Variants in XKR4 observed in about 807,000 individuals in gnomAD.
XKR4 encodes XK-related protein 4.
XKR4 carries 12 observed loss-of-function variants against 53.9 expected under a neutral mutation model. The ratio of observed to expected loss-of-function variants is 0.22; its 90% confidence interval spans 0.14 to 0.36. The LOEUF is 0.36. Among genes scored for constraint, XKR4 ranks in the 10% least tolerant of loss-of-function variants. The pLI is 1.00. For synonymous variants in XKR4, 354 were observed against 362.4 expected (o/e 0.98, Z 0.26); for missense variants, 799 against 859.5 (o/e 0.93, Z 0.88).
At chr8:55,329,201 G>T (rs1482844696) in intron 1 of XKR4, among the ~76,000 whole-genome samples, 1 of 152,044 alleles carries the variant, frequency 6.6e-6, no homozygotes, top group Admixed American at 6.6e-5. Context: ...TTTAAATTTT[G>T]TGAAGAAAAA....
At chr8:55,199,992 G>T (rs1175604411) in intron 1 of XKR4, among the ~76,000 whole-genome samples, 1 of 152,150 alleles carries the variant, frequency 6.6e-6, no homozygotes, top group African/African-American at 2.4e-5. Context: ...TATAACCTCT[G>T]ATTCCAAAGC....
intron 2 of XKR4, among the ~76,000 whole-genome samples, chr8:55,400,003 C>A (rs1328885982): frequency 6.6e-6 from 1 of 152,318 alleles, no homozygotes; most frequent in Non-Finnish European, 1.5e-5. Flanking sequence ...GTGTATGCTG[C>A]TCTTCCTTAA....
At position 55,275,183 on chromosome 8, in the gene XKR4, T is replaced by C. The variant is rs1196450126; in HGVS notation, c.807-82495T>C. On this transcript the variant is annotated intron_variant, in intron 1 of 2. Coordinates refer to ENST00000327381, the MANE Select transcript of XKR4 (RefSeq NM_052898.2). ...AAAGTAAAATATTCATCATTTCAAATTTCTATTTTAATAGATAATTAATAG... is the reference window on the plus strand; with the variant it reads ...AAAGTAAAATATTCATCATTTCAAACTTCTATTTTAATAGATAATTAATAG... 2.0e-5 allele frequency among the ~76,000 whole-genome samples: 3 copies of C among 152,170 alleles called. No homozygotes were observed. The East Asian group carries it at 5.8e-4, about 29-fold the overall frequency.
rs973876944 is a variant in XKR4, at chr8:55,527,566, T to C, written c.*3339T>C. On this transcript the variant is annotated 3_prime_UTR_variant, in exon 3 of 3. Transcript: ENST00000327381. ...AGTGTTTGTGTGAAAGAAAAGGAAA[T>C]AATTTTTCCATGTAAGTCAAAGTTT... 2 of 152,190 alleles carry C rather than the reference T, an allele frequency of 1.3e-5. No individual in the cohort carries two copies. The highest frequency in any genetic ancestry group is 2.9e-5 in the Non-Finnish European group (2 of 68,020). The allele number at this position is 152,190 out of a possible 1,614,324, so 9.4% of individuals were successfully genotyped here.
chr8:55,145,229 G>T (rs1028665947), intron 1 of XKR4, among the ~76,000 whole-genome samples: 24 of 152,100 alleles, frequency 1.6e-4, no homozygotes, highest in African/African-American at 5.8e-4. Context: ...TGGTCATCAC[G>T]TTGGTCATTT....
At chr8:55,351,774 C>T (rs1444059051) in intron 1 of XKR4, among the ~76,000 whole-genome samples, 1 of 152,224 alleles carries the variant, frequency 6.6e-6, no homozygotes, top group African/African-American at 2.4e-5. Context: ...AGTCTTCCGG[C>T]CAATGCCCCT....
intron 1 of XKR4, among the ~76,000 whole-genome samples, chr8:55,143,686 C>T (rs114619255): frequency 1.4e-4 from 21 of 152,276 alleles, no homozygotes; most frequent in African/African-American, 4.8e-4. Flanking sequence ...GTGGTGTGCC[C>T]GTAGTCACAA....
chr8:55,156,926 C>T (rs781128586), intron 1 of XKR4, among the ~76,000 whole-genome samples: 84 of 152,260 alleles, frequency 5.5e-4, no homozygotes, highest in Non-Finnish European at 8.5e-4. Context: ...AAACTGGTAT[C>T]CAAAATACAG....
chr8:55,441,275 G>A (rs889778508), intron 2 of XKR4, among the ~76,000 whole-genome samples: 1 of 151,768 alleles, frequency 6.6e-6, no homozygotes, highest in Non-Finnish European at 1.5e-5. Context: ...ACAGCACATT[G>A]TCAGTGATAG....
rs1371075564 is a variant in XKR4, at chr8:55,527,751, G to A, written c.*3524G>A. On this transcript the variant is annotated 3_prime_UTR_variant, in exon 3 of 3. Transcript: ENST00000327381. ...ATATAATAAATTCTCTTACTGACAT[G>A]GCAAGAATATATAATTCAAGTATTA... is the stretch of plus-strand genomic sequence containing the variant. 2.0e-5 allele frequency: 3 copies of A among 152,082 alleles called. No individual in the cohort carries two copies. 9.4% of individuals were successfully genotyped at this position (152,082 alleles called of 1,614,324 possible).
intron 2 of XKR4, among the ~76,000 whole-genome samples, chr8:55,412,632 T>A (rs573196314): frequency 7.9e-5 from 12 of 152,332 alleles, no homozygotes; most frequent in African/African-American, 2.9e-4. Flanking sequence ...CACAAAAGGA[T>A]ATGTAAAACA....
chr8:55,268,563 C>T (rs1818643714), intron 1 of XKR4, among the ~76,000 whole-genome samples: 1 of 152,042 alleles, frequency 6.6e-6, no homozygotes, highest in Non-Finnish European at 1.5e-5. Flanking sequence ...CTACCAAAAG[C>T]AAGGCCCTAT....
intron 1 of XKR4, among the ~76,000 whole-genome samples, chr8:55,310,758 G>A (rs528147537): frequency 6.6e-6 from 1 of 152,312 alleles, no homozygotes; most frequent in South Asian, 2.1e-4. Context: ...TGGTTTTCAG[G>A]TTGAGTTCCT....
chr8:55,517,042 G>A (rs77388329), intron 2 of XKR4, among the ~76,000 whole-genome samples: 30 of 152,200 alleles, frequency 2.0e-4, no homozygotes, highest in Non-Finnish European at 3.4e-4. Flanking sequence ...GTCAAATACC[G>A]CATGTTCTCA....
intron 2 of XKR4, among the ~76,000 whole-genome samples, chr8:55,512,546 G>A (rs952507915): frequency 3.3e-5 from 5 of 152,174 alleles, no homozygotes; most frequent in African/African-American, 1.2e-4. Context: ...TGCTCACTAT[G>A]CTGTAAATAT....
intron 1 of XKR4, among the ~76,000 whole-genome samples, chr8:55,317,799 T>C (rs192024704): frequency 6.6e-6 from 1 of 152,074 alleles, no homozygotes; most frequent in Non-Finnish European, 1.5e-5. Flanking sequence ...ATACAGAGAG[T>C]TGATGATTGG....
At chr8:55,463,406 A>G (rs1805695606) in intron 2 of XKR4, among the ~76,000 whole-genome samples, 1 of 151,510 alleles carries the variant, frequency 6.6e-6, no homozygotes, top group African/African-American at 2.4e-5. Context: ...AGGCAGAAAT[A>G]AAGATGTTCT....
chr8:55,403,979 T>A (rs1804649985), intron 2 of XKR4, among the ~76,000 whole-genome samples: 1 of 152,174 alleles, frequency 6.6e-6, no homozygotes, highest in Non-Finnish European at 1.5e-5. Flanking sequence ...CATCACTCGC[T>A]CTTCTCAGGC....
At chr8:55,384,278 G>A (rs10109923) in intron 2 of XKR4, among the ~76,000 whole-genome samples, 5,520 of 152,272 alleles carry the variant, frequency 0.036, 156 homozygotes, top group Middle Eastern at 0.061. Flanking sequence ...AAAGGCATGA[G>A]CAAAACCAGG....
Sources: gnomAD v4.1 joint callset for allele counts (sites outside exome capture counted in the v4.1 genomes callset) on GRCh38, gnomAD v4.1.1 for gene constraint, MANE v1.5 for transcripts, NCBI Gene and HGNC (gene_info 2026-07-23, HGNC 2026-07-21) for gene names.